Variants in RGS6 observed in about 807,000 individuals in gnomAD.
The protein encoded by RGS6 is regulator of G-protein signaling 6.
A neutral mutation model predicts 78.5 loss-of-function variants in RGS6; 30 were observed. The ratio of observed to expected loss-of-function variants is 0.38; its 90% CI spans 0.29 to 0.52. The LOEUF is 0.52. RGS6 is among the 20% of genes least tolerant of loss of function. The pLI, the probability that RGS6 is intolerant of heterozygous loss-of-function variation, is 0.85. For synonymous variants in RGS6, 206 were observed against 206.0 expected, an observed-to-expected ratio of 1.00 and a Z score of 0.00; for missense variants, 495 against 609.7, an observed-to-expected ratio of 0.81 and a Z score of 1.98.
intron 2 of RGS6, among the ~76,000 whole-genome samples, chr14:72,265,932 C>CTT (rs150761466): frequency 1.9e-4 from 13 of 67,096 alleles, no homozygotes; most frequent in African/African-American, 1.1e-3. Flanking sequence ...AGTCCTATCG[C>CTT]TTTTTTGGGG....
chr14:72,036,200 A>ATATTAT (rs3053081), intron 2 of RGS6, among the ~76,000 whole-genome samples: 10,152 of 146,654 alleles, frequency 0.069, 443 homozygotes, highest in East Asian at 0.22. Context: ...GCATGTAAAC[A>ATATTAT]TATTATTATT....
chr14:71,932,423 G>C (rs2087963520), upstream of RGS6: 1 of 151,612 alleles, frequency 6.6e-6, no homozygotes, highest in Admixed American at 6.6e-5. Context: ...CGCGGGCCGC[G>C]GAGCTGAACG....
intron 17 of RGS6, among the ~76,000 whole-genome samples, chr14:72,555,242 A>G (rs936024223): frequency 6.6e-6 from 1 of 152,208 alleles, no homozygotes; most frequent in African/African-American, 2.4e-5. Flanking sequence ...CATCAGTAAC[A>G]CAGGGCCACA....
At chr14:72,282,327 CTG>C (rs1307565482) in intron 2 of RGS6, among the ~76,000 whole-genome samples, 7 of 152,172 alleles carry the variant, frequency 4.6e-5, no homozygotes, top group African/African-American at 1.4e-4. Context: ...TTTTGGGTCA[CTG>C]TGACAGATCA....
At chr14:72,454,809 G>A (rs949665899) in intron 4 of RGS6, among the ~76,000 whole-genome samples, 3 of 152,180 alleles carry the variant, frequency 2.0e-5, no homozygotes, top group Non-Finnish European at 4.4e-5. Flanking sequence ...GAATGCCAAA[G>A]AGCCCAATAC....
intron 1 of RGS6, among the ~76,000 whole-genome samples, chr14:71,964,517 A>G (rs2093402176): frequency 6.6e-6 from 1 of 152,108 alleles, no homozygotes; most frequent in Non-Finnish European, 1.5e-5. Context: ...AAAAAAAAAC[A>G]AAACAAAACA....
At chr14:71,870,158 C>T in the RGS6 span, among the ~76,000 whole-genome samples, 3 of 152,184 alleles carry the variant, frequency 2.0e-5, no homozygotes, top group Non-Finnish European at 4.4e-5. Context: ...AGTGGCCAAT[C>T]GTGTATGACC....
At chr14:72,527,246 G>T (rs545565213) in intron 15 of RGS6, among the ~76,000 whole-genome samples, 1 of 152,350 alleles carries the variant, frequency 6.6e-6, no homozygotes, top group Admixed American at 6.5e-5. Context: ...GGATGACTCA[G>T]ATTTAGGACT....
chr14:72,429,506 T>A (rs560171516), intron 3 of RGS6, among the ~76,000 whole-genome samples: 3 of 151,906 alleles, frequency 2.0e-5, no homozygotes. Flanking sequence ...AGAGGAGAGG[T>A]TGGGGACAAC....
intron 2 of RGS6, among the ~76,000 whole-genome samples, chr14:72,312,181 C>T (rs2068784172): frequency 6.7e-6 from 1 of 150,190 alleles, no homozygotes; most frequent in African/African-American, 2.5e-5. Flanking sequence ...GGTATTAAAG[C>T]TTCTACATGA....
At chr14:72,465,894 ATTT>A in intron 7 of RGS6, 72 bp downstream of exon 7, 1 of 1,195,590 alleles carries the variant, frequency 8.4e-7, no homozygotes, top group Non-Finnish European at 1.2e-6. Context: ...GTCTAAGTTT[ATTT>A]TTTTTTTCTT....
intron 3 of RGS6, among the ~76,000 whole-genome samples, chr14:72,379,742 A>G (rs866735026): frequency 6.6e-6 from 1 of 152,116 alleles, no homozygotes; most frequent in Non-Finnish European, 1.5e-5. Context: ...AAATGACCAT[A>G]CTACCCAAAA....
chr14:72,415,589 C>T (rs1004637108), intron 3 of RGS6, among the ~76,000 whole-genome samples: 1 of 152,216 alleles, frequency 6.6e-6, no homozygotes, highest in Admixed American at 6.5e-5. Context: ...GAACCCGGTA[C>T]CTCAGTTGGA....
intron 3 of RGS6, among the ~76,000 whole-genome samples, chr14:72,404,934 G>A (rs2092788460): frequency 6.6e-6 from 1 of 152,196 alleles, no homozygotes; most frequent in South Asian, 2.1e-4. Flanking sequence ...AGGAAGATCT[G>A]TCAGGATGAA....
chr14:72,261,215 A>G (rs1044239784), intron 2 of RGS6, among the ~76,000 whole-genome samples: 1 of 152,148 alleles, frequency 6.6e-6, no homozygotes, highest in Non-Finnish European at 1.5e-5. Flanking sequence ...AGCCAAGAGA[A>G]TTGAAAACAG....
intron 2 of RGS6, among the ~76,000 whole-genome samples, chr14:72,344,810 G>A (rs574014361): frequency 2.0e-5 from 3 of 152,336 alleles, no homozygotes; most frequent in African/African-American, 7.2e-5. Context: ...AGGTAGGGGA[G>A]TTAAATGGTC....
chr14:71,978,783 G>A (rs2094290057), intron 2 of RGS6, among the ~76,000 whole-genome samples: 2 of 152,150 alleles, frequency 1.3e-5, no homozygotes, highest in African/African-American at 4.8e-5. Flanking sequence ...CTCATAAAAT[G>A]AGTTAGGGAG....
intron 3 of RGS6, among the ~76,000 whole-genome samples, chr14:72,401,627 GAAA>G (rs77898540): frequency 7.8e-6 from 1 of 128,722 alleles, no homozygotes. Flanking sequence ...TTTCTACTGA[GAAA>G]AAAAAAAAAA....
chr14:71,927,121 C>T, the RGS6 span, among the ~76,000 whole-genome samples: 1 of 152,152 alleles, frequency 6.6e-6, no homozygotes, highest in Non-Finnish European at 1.5e-5. Flanking sequence ...TAAAGAAGCT[C>T]GGTCCAAACA....
Sources: gnomAD v4.1 joint callset for allele counts (sites outside exome capture counted in the v4.1 genomes callset) on GRCh38, gnomAD v4.1.1 for gene constraint, MANE v1.5 for transcripts, NCBI Gene and HGNC (gene_info 2026-07-23, HGNC 2026-07-21) for gene names.